Variants in CCDC171 observed in about 807,000 individuals in gnomAD.
CCDC171 encodes the protein coiled-coil domain containing 171.
In CCDC171, 177 loss-of-function variants were observed where a neutral mutation model predicts 168.2. The observed-to-expected ratio is 1.05, with a 90% CI of 0.93 to 1.19. The LOEUF is 1.19. Among genes scored for constraint, CCDC171 ranks in the 50% most tolerant of loss-of-function variants. The pLI is 0.00. For missense variants in CCDC171, 1,991 were observed against 1,539.0 expected (o/e 1.29, Z -4.91); for synonymous variants, 687 against 540.8 (o/e 1.27, Z -3.75).
Position 15,971,679 on chromosome 9 carries a change from T to A in CCDC171, c.3824T>A (p.Ile1275Asn). 1 of 1,613,880 alleles carries A rather than the reference T, an allele frequency of 6.2e-7. No homozygotes were observed. Among genetic ancestry groups the A allele is most frequent in the Non-Finnish European group, 8.5e-7 (1 of 1,179,848 alleles). Residue 1275 changes from isoleucine (I) to asparagine (N), a missense_variant, in exon 26 of 26, where the codon ATT (isoleucine) becomes AAT (asparagine). Coordinates refer to ENST00000380701, the MANE Select transcript of CCDC171 (RefSeq NM_173550.4). The stretch of plus-strand genomic sequence containing the variant: ...CCTCTTCCTGCTGACACAACTGGTA[T>A]TGGGGATTTCTTACCATTGAAAGCT... ...RAPLPADTTG[I>N]GDFLPLKAEL...
At chr9:15,863,010 T>G (rs2061623853) in intron 23 of CCDC171, among the ~76,000 whole-genome samples, 1 of 151,826 alleles carries the variant, frequency 6.6e-6, no homozygotes, top group Non-Finnish European at 1.5e-5. Flanking sequence ...AGAGCTGTTA[T>G]GAATATCTGT....
the CCDC171 span, among the ~76,000 whole-genome samples, chr9:16,085,796 G>C: frequency 1.8e-4 from 27 of 152,196 alleles, no homozygotes; most frequent in African/African-American, 6.5e-4. Context: ...GACTGTGTGA[G>C]ACCTAGTCTG....
At chr9:15,938,500 T>G (rs1243753313) in intron 25 of CCDC171, among the ~76,000 whole-genome samples, 1 of 151,912 alleles carries the variant, frequency 6.6e-6, no homozygotes, top group Non-Finnish European at 1.5e-5. Flanking sequence ...ACTGGGTCTA[T>G]GGTTAAGGCC....
At chr9:15,663,003 A>G (rs888733218) in intron 8 of CCDC171, among the ~76,000 whole-genome samples, 1 of 152,026 alleles carries the variant, frequency 6.6e-6, no homozygotes, top group Admixed American at 6.5e-5. Flanking sequence ...AACAACAACA[A>G]CAACAACAAC....
chr9:15,601,535 C>G (rs1255409145), intron 6 of CCDC171, among the ~76,000 whole-genome samples: 1 of 152,182 alleles, frequency 6.6e-6, no homozygotes, highest in Admixed American at 6.5e-5. Context: ...TTCATTCATT[C>G]TCTAAGTACT....
At chr9:15,717,044 AC>A (rs1223150829) in intron 11 of CCDC171, among the ~76,000 whole-genome samples, 1 of 152,334 alleles carries the variant, frequency 6.6e-6, no homozygotes, top group Admixed American at 6.5e-5. Flanking sequence ...ATGAGCAGTC[AC>A]AGTACCTGTT....
At chr9:15,591,273 C>A (rs1276220826) in intron 4 of CCDC171, 93 bp from the exon 5 acceptor site, 4 of 711,476 alleles carry the variant, frequency 5.6e-6, no homozygotes, top group African/African-American at 1.9e-5. Flanking sequence ...TAAGATCATG[C>A]TGTAAATGAT....
intron 9 of CCDC171, among the ~76,000 whole-genome samples, chr9:15,671,280 A>C (rs561678976): frequency 6.9e-4 from 105 of 152,140 alleles, no homozygotes; most frequent in African/African-American, 2.2e-3. Context: ...AATTTCTTCT[A>C]AGAGATGTTC....
chr9:15,872,405 G>A (rs1333568519), intron 23 of CCDC171, among the ~76,000 whole-genome samples: 4 of 151,942 alleles, frequency 2.6e-5, no homozygotes, highest in South Asian at 2.1e-4. Flanking sequence ...GTCAAGCTTC[G>A]TGGATGAAGT....
At chr9:15,605,950 A>G (rs2043197455) in intron 6 of CCDC171, among the ~76,000 whole-genome samples, 1 of 152,162 alleles carries the variant, frequency 6.6e-6, no homozygotes, top group Non-Finnish European at 1.5e-5. Context: ...TGTGGGGCAT[A>G]TGTTACATGA....
upstream of CCDC171, among the ~76,000 whole-genome samples, chr9:16,040,356 G>A (rs1360374816): frequency 6.6e-6 from 1 of 152,162 alleles, no homozygotes; most frequent in Non-Finnish European, 1.5e-5. Context: ...GGTGGAGGCA[G>A]ACCTCAGATT....
chr9:15,992,468 C>G (rs558539357), intron 3 of CCDC171, among the ~76,000 whole-genome samples: 2 of 152,126 alleles, frequency 1.3e-5, no homozygotes, highest in African/African-American at 4.8e-5. Context: ...CTATTTATGA[C>G]AAACCCATAG....
chr9:16,064,227 A>G (rs776205023), downstream of CCDC171, among the ~76,000 whole-genome samples: 12 of 152,222 alleles, frequency 7.9e-5, no homozygotes, highest in Admixed American at 3.9e-4. Context: ...TGATGGAAAG[A>G]AATCCCCAGT....
chr9:15,630,951 T>G (rs1052343488), intron 7 of CCDC171, among the ~76,000 whole-genome samples: 25 of 152,136 alleles, frequency 1.6e-4, no homozygotes, highest in African/African-American at 6.0e-4. Context: ...AAGACAGAAA[T>G]AAAGATGTTC....
intron 11 of CCDC171, among the ~76,000 whole-genome samples, chr9:15,706,511 C>G (rs1588070488): frequency 6.6e-6 from 1 of 152,112 alleles, no homozygotes; most frequent in East Asian, 1.9e-4. Flanking sequence ...TGGTCTCCAA[C>G]TGCTGAGTTT....
At position 15,820,136 on chromosome 9, in the gene CCDC171, G is replaced by A. The variant is rs199699499; in HGVS notation, c.3268-26566G>A. On this transcript the variant is annotated intron_variant, in intron 21 of 25. Coordinates refer to ENST00000380701, the MANE Select transcript of CCDC171 (RefSeq NM_173550.4). ...AGGCAGAAATAAAGGTGTTCTTTGA[G>A]ACCAATGAGAACAAAGACACAACAT... Among the ~76,000 whole-genome samples the A allele has an allele frequency of 5.1e-5, 6 of 117,106 alleles. 2 individuals are homozygous for A. The highest frequency in any genetic ancestry group is 3.2e-4 in the Admixed American group (4 of 12,362). The allele number at this position is 117,106 out of a possible 152,430, so 76.8% of individuals were successfully genotyped here.
chr9:15,834,378 A>T (rs1322341719), intron 21 of CCDC171, among the ~76,000 whole-genome samples: 1 of 152,182 alleles, frequency 6.6e-6, no homozygotes, highest in Non-Finnish European at 1.5e-5. Flanking sequence ...CCATGTGGGG[A>T]TATGTATTCT....
chr9:15,680,323 G>C (rs1031181021), intron 10 of CCDC171, among the ~76,000 whole-genome samples: 1 of 152,090 alleles, frequency 6.6e-6, no homozygotes, highest in African/African-American at 2.4e-5. Context: ...TCTTTGTTTT[G>C]TTCTATACAT....
upstream of CCDC171, among the ~76,000 whole-genome samples, chr9:16,040,988 C>G (rs1451493404): frequency 6.6e-6 from 1 of 152,152 alleles, no homozygotes; most frequent in African/African-American, 2.4e-5. Context: ...GCGTGTGGGT[C>G]AAATCTAAGC....
Sources: allele counts gnomAD v4.1 joint callset (sites outside exome capture counted in the v4.1 genomes callset), GRCh38; gene constraint gnomAD v4.1.1; transcripts MANE v1.5; gene names NCBI Gene and HGNC (gene_info 2026-07-23, HGNC 2026-07-21).